The following LARGE1 variants were observed in gnomAD, a reference collection of about 807,000 sequenced individuals.
LARGE1 encodes the protein xylosyl- and glucuronyltransferase LARGE1.
LARGE1 carries 43 observed loss-of-function variants against 87.6 expected under a neutral mutation model. The observed-to-expected ratio is 0.49, with a 90% CI of 0.38 to 0.63. LARGE1 has a LOEUF of 0.63. LARGE1 is among the 30% of genes least tolerant of loss of function. The pLI, the probability that LARGE1 is intolerant of heterozygous loss-of-function variation, is 0.00. For synonymous variants in LARGE1, 434 were observed against 394.6 expected, an observed-to-expected ratio of 1.10 and a Z score of -1.18; for missense variants, 802 against 1,000.2, an observed-to-expected ratio of 0.80 and a Z score of 2.67.
chr22:33,494,674 A>C (rs1404396137), intron 6 of LARGE1, among the ~76,000 whole-genome samples: 1 of 152,176 alleles, frequency 6.6e-6, no homozygotes, highest in African/African-American at 2.4e-5. Flanking sequence ...TCTTACACTC[A>C]TTTTGCAGAT....
intron 1 of LARGE1, among the ~76,000 whole-genome samples, chr22:33,778,060 AAGG>A (rs2085304147): frequency 1.3e-5 from 2 of 152,244 alleles, no homozygotes; most frequent in African/African-American, 4.8e-5. Context: ...GGTGCAATGA[AAGG>A]AGAAGTCATC....
chr22:33,468,589 T>C (rs2068708299), intron 6 of LARGE1, among the ~76,000 whole-genome samples: 1 of 152,216 alleles, frequency 6.6e-6, no homozygotes, highest in South Asian at 2.1e-4. Flanking sequence ...AATCAAAACA[T>C]TTATTGAATA....
intron 7 of LARGE1, among the ~76,000 whole-genome samples, chr22:33,405,016 T>C (rs1051353731): frequency 1.3e-5 from 2 of 152,194 alleles, no homozygotes; most frequent in African/African-American, 2.4e-5. Context: ...AAGAGGAGCA[T>C]AAAGGAGTTT....
chr22:33,802,454 T>A (rs138506311), intron 1 of LARGE1, among the ~76,000 whole-genome samples: 153 of 152,350 alleles, frequency 1.0e-3, no homozygotes, highest in African/African-American at 3.5e-3. Flanking sequence ...AATTGTGTAT[T>A]AAAGATGGCT....
intron 1 of LARGE1, among the ~76,000 whole-genome samples, chr22:33,788,461 A>T (rs149263447): frequency 6.6e-6 from 1 of 152,204 alleles, no homozygotes; most frequent in Non-Finnish European, 1.5e-5. Flanking sequence ...AAAAATGTGG[A>T]AGGAACTTTG....
chr22:33,750,745 C>T (rs940648009), intron 2 of LARGE1: 1 of 152,050 alleles, frequency 6.6e-6, no homozygotes, highest in African/African-American at 2.4e-5. Flanking sequence ...GGTAAGAATA[C>T]TGGTCTTGTT....
At chr22:33,465,378 G>T (rs1490911081) in intron 6 of LARGE1, among the ~76,000 whole-genome samples, 1 of 152,178 alleles carries the variant, frequency 6.6e-6, no homozygotes, top group African/African-American at 2.4e-5. Flanking sequence ...TTTGGGTGAG[G>T]ATTTGTCTTA....
chr22:33,438,826 A>G (rs1183601126), intron 6 of LARGE1, among the ~76,000 whole-genome samples: 1 of 152,240 alleles, frequency 6.6e-6, no homozygotes, highest in Non-Finnish European at 1.5e-5. Flanking sequence ...TGACCAAGGT[A>G]TAGCTTCTCT....
At chr22:33,154,992 C>T in the LARGE1 span, among the ~76,000 whole-genome samples, 1 of 152,186 alleles carries the variant, frequency 6.6e-6, no homozygotes, top group East Asian at 1.9e-4. Flanking sequence ...TTGTCTGCTG[C>T]CATGTGAGAT....
chr22:33,223,865 G>T (rs1323803814), intron 11 of LARGE1, among the ~76,000 whole-genome samples: 2 of 152,140 alleles, frequency 1.3e-5, no homozygotes, highest in African/African-American at 4.8e-5. Flanking sequence ...GCTTGTTTTT[G>T]CTATAGGACA....
chr22:33,807,515 C>A (rs868743369), intron 1 of LARGE1, among the ~76,000 whole-genome samples: 10 of 152,150 alleles, frequency 6.6e-5, no homozygotes, highest in Admixed American at 5.9e-4. Context: ...GGTGAGCCTA[C>A]ATTGATACAT....
rs980813433 is a variant in LARGE1 at position 33,515,267 on chromosome 22, C to T, written c.787+49581G>A. 7.9e-5 allele frequency among the ~76,000 whole-genome samples: 12 copies of T among 152,264 alleles called. No homozygotes were observed. In the East Asian group the frequency reaches 2.1e-3, roughly 27 times the overall value. On this transcript the variant is annotated intron_variant, in intron 6 of 14. Transcript: ENST00000397394. ...ATTTTAATGAAGGTCCCTAGACTTT[C>T]GCTCCAAATACTCCTTCTTTTACAG...
At chr22:33,469,684 T>A (rs1481901664) in intron 6 of LARGE1, among the ~76,000 whole-genome samples, 1 of 151,274 alleles carries the variant, frequency 6.6e-6, no homozygotes, top group Non-Finnish European at 1.5e-5. Context: ...AGAAATTAGC[T>A]AGGCATGGGG....
chr22:33,786,121 A>C (rs11912964), intron 1 of LARGE1, among the ~76,000 whole-genome samples: 12,310 of 152,208 alleles, frequency 0.081, 556 homozygotes, highest in Admixed American at 0.11. Context: ...CTCAAGAAGT[A>C]CATTGTCTTT....
chr22:33,581,952 T>C (rs1397781342), intron 5 of LARGE1, among the ~76,000 whole-genome samples: 1 of 151,686 alleles, frequency 6.6e-6, no homozygotes, highest in African/African-American at 2.4e-5. Flanking sequence ...ATGACACAAA[T>C]CCATTGGACT....
At chr22:33,649,728 C>T (rs2080733040) in intron 3 of LARGE1, among the ~76,000 whole-genome samples, 1 of 152,132 alleles carries the variant, frequency 6.6e-6, no homozygotes, top group Admixed American at 6.5e-5. Context: ...GAACTGGAAA[C>T]AATGGGGAAT....
rs145949950 is a variant in LARGE1 at position 33,353,646 on chromosome 22, A to G, written c.1132-15845T>C. On this transcript the variant is annotated intron_variant, in intron 9 of 14. Transcript: ENST00000397394. ...AGATTCTGTTTAGAGAATGAAAGAC[A>G]GAAAGAATGACTTTTTTTGTGAGCA... 1.9e-3 allele frequency among the ~76,000 whole-genome samples: 286 copies of G among 152,358 alleles called. 3 individuals carry two copies. Among genetic ancestry groups the G allele is most frequent in the African/African-American group, 5.4e-3 (225 of 41,582 alleles).
chr22:33,086,549 CTTT>C, the LARGE1 span, among the ~76,000 whole-genome samples: 3 of 108,434 alleles, frequency 2.8e-5, no homozygotes, highest in Non-Finnish European at 1.9e-5. Flanking sequence ...AGTTCTTCTA[CTTT>C]TTTTTTTTTT....
chr22:33,562,231 T>G (rs576837876), intron 6 of LARGE1, among the ~76,000 whole-genome samples: 1 of 152,198 alleles, frequency 6.6e-6, no homozygotes, highest in Non-Finnish European at 1.5e-5. Context: ...TAGGGACATA[T>G]GGAGAAGAGA....
Sources: allele counts gnomAD v4.1 joint callset (sites outside exome capture counted in the v4.1 genomes callset), GRCh38; gene constraint gnomAD v4.1.1; transcripts MANE v1.5; gene names NCBI Gene and HGNC (gene_info 2026-07-23, HGNC 2026-07-21).